Variants in MAP4 observed in about 807,000 individuals in gnomAD.
MAP4 encodes microtubule-associated protein 4.
Under a neutral mutation model 170.2 loss-of-function variants are expected in MAP4, and 76 were observed. The observed-to-expected ratio is 0.45, with a 90% CI of 0.37 to 0.54. The LOEUF is 0.54. Ranked by LOEUF, MAP4 falls within the 20% of genes least tolerant of loss-of-function variation. The probability of loss-of-function intolerance (pLI) is 0.00; values close to 1 mark genes in which losing one functional copy is unlikely to be tolerated. For missense variants in MAP4, 2,506 were observed against 2,748.0 expected (o/e 0.91, Z 1.97); for synonymous variants, 909 against 994.5 (o/e 0.91, Z 1.62).
intron 1 of MAP4, among the ~76,000 whole-genome samples, chr3:48,066,393 T>A (rs949153989): frequency 6.6e-6 from 1 of 152,162 alleles, no homozygotes; most frequent in Admixed American, 6.5e-5. Flanking sequence ...AAATACTAAA[T>A]CTAATGCCTA....
intron 9 of MAP4, among the ~76,000 whole-genome samples, chr3:47,905,926 G>A (rs1378925514): frequency 6.6e-6 from 1 of 151,960 alleles, no homozygotes; most frequent in Admixed American, 6.6e-5. Flanking sequence ...CCTGGGAGGT[G>A]GAGGTTGCAG....
intron 10 of MAP4, among the ~76,000 whole-genome samples, chr3:47,878,192 G>A (rs1055707344): frequency 6.6e-6 from 1 of 152,166 alleles, no homozygotes; most frequent in Non-Finnish European, 1.5e-5. Context: ...CCTTGCTGTG[G>A]GGGAAGGCAT....
chr3:48,027,305 T>C (rs2100113614), intron 1 of MAP4, among the ~76,000 whole-genome samples: 2 of 152,194 alleles, frequency 1.3e-5, no homozygotes, highest in South Asian at 2.1e-4. Flanking sequence ...GGTTTCCCTT[T>C]GCCAAAAGCC....
chr3:47,986,236 T>C (rs1040303642), intron 2 of MAP4, among the ~76,000 whole-genome samples: 2 of 152,072 alleles, frequency 1.3e-5, no homozygotes, highest in Non-Finnish European at 2.9e-5. Context: ...TCCTATTAAG[T>C]AGCTCGGGCA....
At chr3:47,951,843 G>C (rs2100064215) in intron 3 of MAP4, among the ~76,000 whole-genome samples, 3 of 151,130 alleles carry the variant, frequency 2.0e-5, no homozygotes, top group Non-Finnish European at 4.4e-5. Context: ...CCTCTGCCTG[G>C]CTGCCCAGTC....
chr3:47,975,165 G>A (rs1049072713), intron 3 of MAP4: 51 of 1,171,098 alleles, frequency 4.4e-5, no homozygotes, highest in Middle Eastern at 3.5e-4. Flanking sequence ...AGAAATAAAA[G>A]ACATTAGATA....
At chr3:48,036,115 GC>G (rs969170500) in intron 1 of MAP4, among the ~76,000 whole-genome samples, 1 of 152,186 alleles carries the variant, frequency 6.6e-6, no homozygotes, top group African/African-American at 2.4e-5. Flanking sequence ...AGATTGCTCA[GC>G]TAGTAAAGTG....
intron 1 of MAP4, among the ~76,000 whole-genome samples, chr3:48,012,835 T>C (rs2100105965): frequency 6.6e-6 from 1 of 152,198 alleles, no homozygotes; most frequent in East Asian, 1.9e-4. Flanking sequence ...CATCTGTATT[T>C]CATCAACAGT....
intron 1 of MAP4, among the ~76,000 whole-genome samples, chr3:48,055,074 G>A (rs918908211): frequency 4.6e-5 from 7 of 152,160 alleles, no homozygotes; most frequent in Non-Finnish European, 7.3e-5. Flanking sequence ...GGGTATCCAG[G>A]AATTTCATCC....
At chr3:47,853,058 C>T (rs1285688657) in intron 20 of MAP4, 105 bp downstream of exon 20, 1 of 1,614,198 alleles carries the variant, frequency 6.2e-7, no homozygotes, top group South Asian at 1.1e-5. Flanking sequence ...TAAAAGGTTA[C>T]TTCATTAAAA....
At chr3:47,913,787 C>T (rs973234789) in intron 8 of MAP4, among the ~76,000 whole-genome samples, 1 of 152,124 alleles carries the variant, frequency 6.6e-6, no homozygotes, top group Non-Finnish European at 1.5e-5. Context: ...AAGTCATGGG[C>T]CCTTATGTCC....
chr3:48,055,962 G>A, intron 1 of MAP4, among the ~76,000 whole-genome samples: 1 of 97,342 alleles, frequency 1.0e-5, no homozygotes, highest in Non-Finnish European at 2.4e-5. Flanking sequence ...GAGACCCTCT[G>A]CCTGGCAACC....
intron 1 of MAP4, among the ~76,000 whole-genome samples, chr3:48,086,152 TCACA>T (rs373452472): frequency 4.6e-4 from 68 of 148,380 alleles, no homozygotes; most frequent in East Asian, 2.3e-3. Flanking sequence ...ATACACACAC[TCACA>T]CACACACACA....
chr3:48,002,698 C>T (rs2100099872), intron 1 of MAP4, among the ~76,000 whole-genome samples: 3 of 151,956 alleles, frequency 2.0e-5, no homozygotes, highest in South Asian at 2.1e-4. Context: ...CTGGCCAACA[C>T]GGTGAAACCC....
At position 47,912,418 on chromosome 3, in the gene MAP4, T is replaced by C; in HGVS notation, c.2003A>G (p.Asn668Ser). 2.0e-6 allele frequency: 3 copies of C among 1,466,636 alleles called. No individual in the cohort carries two copies. The highest frequency in any genetic ancestry group is 2.7e-5 in the Admixed American group (1 of 37,082). 90.9% of individuals were successfully genotyped at this position (1,466,636 alleles called of 1,614,324 possible). The part of the protein sequence containing the change: ...PSELSSETSA[N>S]FMYCGTPPTQ... The stretch of plus-strand genomic sequence containing the variant: ...GGGAGGGGTACCGCAATACATGAAG[T>C]TGGCTAAAATTCCAAACAAAAAACT... Residue 668 changes from asparagine (N) to serine (S), a missense_variant, in exon 9 of 21, where the codon AAC (asparagine) becomes AGC (serine). Coordinates refer to ENST00000683076, the MANE Select transcript of MAP4 (RefSeq NM_001385682.1).
At chr3:48,085,193 A>T (rs1422077294) in intron 1 of MAP4, among the ~76,000 whole-genome samples, 2 of 144,700 alleles carry the variant, frequency 1.4e-5, no homozygotes, top group African/African-American at 5.1e-5. Context: ...TTAATCTTTA[A>T]AAAAAAAAAA....
At chr3:47,892,491 T>C (rs1488508487) in intron 10 of MAP4, 4 of 1,522,896 alleles carry the variant, frequency 2.6e-6, no homozygotes, top group African/African-American at 1.4e-5. Context: ...GAGAGCGACA[T>C]CGTCTCTCCT....
At chr3:47,981,380 C>A (rs1238767578) in intron 2 of MAP4, among the ~76,000 whole-genome samples, 1 of 151,758 alleles carries the variant, frequency 6.6e-6, no homozygotes, top group Non-Finnish European at 1.5e-5. Context: ...CATAGTGTGA[C>A]CCCATCTCTA....
In MAP4 at chr3:47,871,344, A is replaced by C. The variant is rs1208238782; in HGVS notation, c.5942-58T>G. ...AACAAACTGACCTGTTGGATAGTTC[A>C]TCCAATAGTGAGATTCCTCATTATT... On this transcript the variant is annotated intron_variant, in intron 13 of 20. Coordinates refer to ENST00000683076, the MANE Select transcript of MAP4 (RefSeq NM_001385682.1). 4.5e-6 allele frequency: 6 copies of C among 1,319,902 alleles called. No homozygotes were observed. The East Asian group carries it at 1.1e-4, about 25-fold the overall frequency. The allele number at this position is 1,319,902 out of a possible 1,614,324, so 81.8% of individuals were successfully genotyped here. A position where few individuals can be genotyped will look rare whatever the true frequency, so the allele number is the denominator to read the frequency against.
Sources: gnomAD v4.1 joint callset for allele counts (sites outside exome capture counted in the v4.1 genomes callset) on GRCh38, gnomAD v4.1.1 for gene constraint, MANE v1.5 for transcripts, NCBI Gene and HGNC (gene_info 2026-07-23, HGNC 2026-07-21) for gene names.